TRIT1: variants seen among roughly 807,000 people sequenced by gnomAD.
The protein encoded by TRIT1 is tRNA isopentenyltransferase 1.
Under a neutral mutation model 51.2 loss-of-function variants are expected in TRIT1, and 43 were observed. The observed-to-expected ratio is 0.84, with a 90% CI of 0.66 to 1.08. TRIT1 has a LOEUF of 1.08. Ranked by LOEUF, TRIT1 falls within the 50% of genes least tolerant of loss-of-function variation. The pLI, the probability that TRIT1 is intolerant of heterozygous loss-of-function variation, is 0.00. For synonymous variants in TRIT1, 184 were observed against 203.9 expected, an observed-to-expected ratio of 0.90 and a Z score of 0.83; for missense variants, 528 against 578.4, an observed-to-expected ratio of 0.91 and a Z score of 0.89.
intron 1 of TRIT1, among the ~76,000 whole-genome samples, chr1:39,859,613 A>T (rs1218631743): frequency 1.3e-5 from 2 of 151,848 alleles, no homozygotes; most frequent in Non-Finnish European, 2.9e-5. Context: ...GAAAGAAAAG[A>T]AAACTAAAGG....
rs1320688698 is a variant in TRIT1, at chr1:39,840,393, C to T, written c.*1351G>A. 6.6e-6 allele frequency among the ~76,000 whole-genome samples: 1 copy of T among 152,204 alleles called. No individual in the cohort carries two copies. The highest frequency in any genetic ancestry group is 2.4e-5 in the African/African-American group (1 of 41,450). ...TATGCATAGGAAACAAAACATTTAT[C>T]AAGAATTGCTTTTCAAGGTGCAGCA... On this transcript the variant is annotated 3_prime_UTR_variant, in exon 11 of 11. Coordinates refer to ENST00000316891, the MANE Select transcript of TRIT1 (RefSeq NM_017646.6).
chr1:39,854,230 G>C (rs1370948169), intron 2 of TRIT1, among the ~76,000 whole-genome samples, 162 bp from the exon 3 acceptor site: 1 of 152,208 alleles, frequency 6.6e-6, no homozygotes, highest in Non-Finnish European at 1.5e-5. Context: ...CAAATTTCCA[G>C]AATCATGTCC....
Position 39,850,277 on chromosome 1 carries a change from G to A in TRIT1, c.561-16C>T. 6.2e-7 allele frequency: 1 copy of A among 1,613,844 alleles called. No homozygotes were observed. Among genetic ancestry groups the A allele is most frequent in the Non-Finnish European group, 8.5e-7 (1 of 1,179,900 alleles). The stretch of plus-strand genomic sequence containing the variant: ...TTGCAAGCTCCTAAGTAATTTAAAA[G>A]GGGAGGGAGGGGGCACACCCATAAA... On this transcript the variant is annotated splice_polypyrimidine_tract_variant and intron_variant, in intron 4 of 10. Transcript: ENST00000316891.
chr1:39,881,403 C>T (rs906426648), intron 1 of TRIT1, among the ~76,000 whole-genome samples: 9 of 152,140 alleles, frequency 5.9e-5, no homozygotes, highest in Non-Finnish European at 1.0e-4. Context: ...AAGTACCATA[C>T]GTACTGCTCA....
At chr1:39,877,692 T>C (rs11587094) in intron 1 of TRIT1, among the ~76,000 whole-genome samples, 3,244 of 152,326 alleles carry the variant, frequency 0.021, 67 homozygotes, top group East Asian at 0.11. Flanking sequence ...GCACTGTACC[T>C]TGAATTTACA....
In TRIT1 at chr1:39,852,820, C is replaced by G; in HGVS notation, c.471G>C (p.Glu157Asp). Residue 157 changes from glutamate to aspartate, a missense_variant, in exon 4 of 11, where the codon GAG becomes GAC. Physicochemically the swap from Glu to Asp is conservative, Grantham distance 45. Coordinates refer to ENST00000316891, the MANE Select transcript of TRIT1 (RefSeq NM_017646.6). ...VIDRKVELEK[E>D]DGLVLHKRLS... ...GGCGTTTGTGAAGTACAAGACCATC[C>G]TCCTTTTCAAGCTCCACTTTTCGGT... 1 of 1,614,196 alleles carries G rather than the reference C, an allele frequency of 6.2e-7. No individual in the cohort carries two copies. The highest frequency in any genetic ancestry group is 8.5e-7 in the Non-Finnish European group (1 of 1,180,030).
At position 39,852,873 on chromosome 1, in the gene TRIT1, G is replaced by T. The variant is rs532890424; in HGVS notation, c.418C>A (p.Gln140Lys). ...LWKVLVNTKP[Q>K]EMGTEKVIDR... ...ATCACTTTCTCAGTGCCCATCTCCT[G>T]GGGCTATTAAATGATGGTTTAGAAG... The change falls in exon 4 of 11, where the codon CAG becomes AAG. Residue 140 changes from glutamine (Q) to lysine (K), a missense_variant. Gln to Lys is a moderately conservative substitution (Grantham distance 53). This residue lies in a region of TRIT1 where 468 missense variants were observed against 522.6 expected (regional missense o/e 0.90). Coordinates refer to ENST00000316891, the MANE Select transcript of TRIT1 (RefSeq NM_017646.6). The T allele has an allele frequency of 6.2e-7, 1 of 1,613,950 alleles. No homozygotes were observed. The highest frequency in any genetic ancestry group is 1.1e-5 in the South Asian group (1 of 91,050).
intron 1 of TRIT1, among the ~76,000 whole-genome samples, chr1:39,875,540 A>G (rs976795575): frequency 1.3e-5 from 2 of 151,886 alleles, no homozygotes; most frequent in Middle Eastern, 6.8e-3. Flanking sequence ...CTCAAACCTC[A>G]TGGCATGACT....
rs1417285955 is a variant in TRIT1, at chr1:39,861,937, A to G, written c.175-4520T>C. On this transcript the variant is annotated intron_variant, in intron 1 of 10. Coordinates refer to ENST00000316891, the MANE Select transcript of TRIT1 (RefSeq NM_017646.6). ...AGGCTCTGTCTCAAAAAAAAAAAAA[A>G]AAGAAAAAGAAAAAAAGAAAGGCAT... Among the ~76,000 whole-genome samples, 4 of 151,832 alleles carry G rather than the reference A, an allele frequency of 2.6e-5. No homozygotes were observed. The East Asian group carries it at 5.8e-4, about 22-fold the overall frequency.
At chr1:39,867,390 C>T (rs1312776097) in intron 1 of TRIT1, among the ~76,000 whole-genome samples, 1 of 152,192 alleles carries the variant, frequency 6.6e-6, no homozygotes, top group African/African-American at 2.4e-5. Context: ...GGTGATCCGC[C>T]CGCCTTGGCT....
intron 1 of TRIT1, 34 bp downstream of exon 1, chr1:39,883,284 T>A (rs1280675409): frequency 2.5e-6 from 4 of 1,579,480 alleles, no homozygotes; most frequent in Non-Finnish European, 3.4e-6. Flanking sequence ...GCCTCCGGGG[T>A]CCCCAGGCGC....
intron 4 of TRIT1, 117 bp downstream of exon 4, chr1:39,852,614 C>T: frequency 7.7e-7 from 1 of 1,291,138 alleles, no homozygotes; most frequent in Non-Finnish European, 1.1e-6. Context: ...GCTAGAACAA[C>T]ACATCAATCT....
At chr1:39,869,921 C>T (rs1283102423) in intron 1 of TRIT1, among the ~76,000 whole-genome samples, 1 of 152,078 alleles carries the variant, frequency 6.6e-6, no homozygotes, top group African/African-American at 2.4e-5. Context: ...CCAGCCGCCC[C>T]GTCCGGGAGG....
intron 1 of TRIT1, among the ~76,000 whole-genome samples, chr1:39,871,853 A>C (rs547652938): frequency 9.5e-4 from 145 of 152,294 alleles, no homozygotes; most frequent in African/African-American, 3.4e-3. Flanking sequence ...GTCAAAACCC[A>C]TAGAACTAAA....
At position 39,847,533 on chromosome 1, in the gene TRIT1, T is replaced by C; in HGVS notation, c.928+15A>G. On this transcript the variant is annotated intron_variant, in intron 7 of 10. Coordinates refer to ENST00000316891, the MANE Select transcript of TRIT1 (RefSeq NM_017646.6). The stretch of plus-strand genomic sequence containing the variant: ...CAAAGATGTCCAAGACTAGATTAGA[T>C]GGAAGAATTCACACCTTTCTTTAGA... 6.2e-7 allele frequency: 1 copy of C among 1,613,212 alleles called. No homozygotes were observed. The highest frequency in any genetic ancestry group is 8.5e-7 in the Non-Finnish European group (1 of 1,179,092).
chr1:39,861,178 A>T (rs1169873257), intron 1 of TRIT1, among the ~76,000 whole-genome samples: 1 of 152,220 alleles, frequency 6.6e-6, no homozygotes, highest in Non-Finnish European at 1.5e-5. Flanking sequence ...GAGAAACTGG[A>T]ACCCTTGTGC....
Position 39,841,753 on chromosome 1 carries a change from G to C in TRIT1, c.1395C>G (p.Cys465Trp), listed in dbSNP as rs981287489. Reference protein sequence around the residue: ...SPGQNDQELKCSV With the variant: ...SPGQNDQELKWSV ...CCACTGGACATGTCTCTTAAACGCTGCATTTCAGCTCTTGATCATTCTGCC... is the reference window on the plus strand; with the variant it reads ...CCACTGGACATGTCTCTTAAACGCTCCATTTCAGCTCTTGATCATTCTGCC... The change falls in exon 11 of 11, where the codon TGC (cysteine) becomes TGG (tryptophan). Residue 465 changes from cysteine (C) to tryptophan (W), a missense_variant. This residue lies in a region of TRIT1 where 468 missense variants were observed against 522.6 expected (regional missense o/e 0.90). Coordinates refer to ENST00000316891, the MANE Select transcript of TRIT1 (RefSeq NM_017646.6). 1.9e-6 allele frequency: 3 copies of C among 1,611,380 alleles called. No individual in the cohort carries two copies. Among genetic ancestry groups the C allele is most frequent in the African/African-American group, 2.7e-5 (2 of 74,686 alleles).
At chr1:39,877,485 C>G (rs373866453) in intron 1 of TRIT1, among the ~76,000 whole-genome samples, 2 of 152,260 alleles carry the variant, frequency 1.3e-5, no homozygotes, top group Admixed American at 6.5e-5. Flanking sequence ...CTCCTATGTA[C>G]GGCTACTGCT....
In TRIT1 at chr1:39,847,308, C is replaced by T; in HGVS notation, c.929-11G>A. The stretch of plus-strand genomic sequence containing the variant: ...TCAGAGCCTCAATACCTGAAAGATA[C>T]AGTAGATTTAAGAACATCTAGGTAA... On this transcript the variant is annotated splice_polypyrimidine_tract_variant and intron_variant, in intron 7 of 10. Transcript: ENST00000316891. 1.2e-6 allele frequency: 2 copies of T among 1,612,948 alleles called. No homozygotes were observed. Among genetic ancestry groups the T allele is most frequent in the Admixed American group, 1.7e-5 (1 of 60,018 alleles).
Sources: gnomAD v4.1 joint callset for allele counts (sites outside exome capture counted in the v4.1 genomes callset) on GRCh38, gnomAD v4.1.1 for gene constraint, gnomAD v4.1.1 regional missense constraint, MANE v1.5 for transcripts, NCBI Gene and HGNC (gene_info 2026-07-23, HGNC 2026-07-21) for gene names.